DPYD: variants seen among roughly 807,000 people sequenced by gnomAD.
DPYD encodes dihydropyrimidine dehydrogenase.
DPYD carries 109 observed loss-of-function variants against 116.2 expected under a neutral mutation model. That is an observed-to-expected ratio of 0.94 (90% CI 0.80 to 1.10). The LOEUF (loss-of-function observed/expected upper bound fraction) is 1.10, where lower values mean the gene tolerates loss of function less well. DPYD is among the 50% of genes least tolerant of loss of function. DPYD has a pLI of 0.00. For missense variants in DPYD, 1,302 were observed against 1,254.5 expected (o/e 1.04, Z -0.57); for synonymous variants, 440 against 432.0 (o/e 1.02, Z -0.23).
intron 20 of DPYD, among the ~76,000 whole-genome samples, chr1:97,133,827 G>A (rs376542408): frequency 1.1e-4 from 17 of 150,452 alleles, no homozygotes; most frequent in African/African-American, 4.2e-4. Flanking sequence ...GTGAAATCCC[G>A]TCTCTACTAA....
chr1:97,346,950 T>C (rs1359460555), intron 16 of DPYD, among the ~76,000 whole-genome samples: 1 of 151,886 alleles, frequency 6.6e-6, no homozygotes, highest in African/African-American at 2.4e-5. Flanking sequence ...TTTATTATTA[T>C]TATTGAATGC....
chr1:97,344,595 CCACACA>C (rs35038074), intron 16 of DPYD, among the ~76,000 whole-genome samples: 2 of 148,876 alleles, frequency 1.3e-5, no homozygotes, highest in Admixed American at 6.7e-5. Flanking sequence ...ATATATGTCA[CCACACA>C]CACACACACA....
chr1:97,219,953 A>G (rs1358794769), intron 19 of DPYD, among the ~76,000 whole-genome samples: 3 of 151,982 alleles, frequency 2.0e-5, no homozygotes, highest in Admixed American at 6.6e-5. Flanking sequence ...GAAATAGGCC[A>G]TATTTGCTCA....
At chr1:97,796,332 T>C (rs1667568556) in intron 3 of DPYD, among the ~76,000 whole-genome samples, 1 of 152,098 alleles carries the variant, frequency 6.6e-6, no homozygotes, top group Non-Finnish European at 1.5e-5. Context: ...CCACTGCTTT[T>C]AATCACATTA....
chr1:97,483,507 G>A (rs1233451547), intron 13 of DPYD, among the ~76,000 whole-genome samples: 1 of 152,112 alleles, frequency 6.6e-6, no homozygotes, highest in East Asian at 1.9e-4. Context: ...TGTTGGGGCT[G>A]GTGGGGAGAA....
chr1:97,827,901 T>G (rs1669317527), intron 3 of DPYD, among the ~76,000 whole-genome samples: 1 of 152,140 alleles, frequency 6.6e-6, no homozygotes, highest in Non-Finnish European at 1.5e-5. Context: ...AGTAACAAAT[T>G]AAACATTTAC....
At chr1:97,148,002 A>T (rs1654753008) in intron 20 of DPYD, among the ~76,000 whole-genome samples, 1 of 152,144 alleles carries the variant, frequency 6.6e-6, no homozygotes, top group Non-Finnish European at 1.5e-5. Flanking sequence ...AAGGGAGATA[A>T]GTGCAAGGCA....
chr1:97,264,543 C>G (rs922774112), intron 18 of DPYD, among the ~76,000 whole-genome samples: 5 of 152,142 alleles, frequency 3.3e-5, no homozygotes, highest in African/African-American at 1.2e-4. Context: ...AATACCGTTT[C>G]CATTAATCAT....
chr1:97,183,097 T>TAA (rs201668962), intron 20 of DPYD, among the ~76,000 whole-genome samples: 25,747 of 152,004 alleles, frequency 0.17, 2,649 homozygotes, highest in Middle Eastern at 0.27. Context: ...GTCCAAGACA[T>TAA]TTTTCCTTTC....
At chr1:97,421,400 A>G (rs1674573776) in intron 14 of DPYD, among the ~76,000 whole-genome samples, 1 of 152,138 alleles carries the variant, frequency 6.6e-6, no homozygotes, top group African/African-American at 2.4e-5. Context: ...GCCTCACACT[A>G]AGACTCGTGA....
chr1:97,186,185 T>C (rs1406147695), intron 20 of DPYD, among the ~76,000 whole-genome samples: 1 of 152,180 alleles, frequency 6.6e-6, no homozygotes, highest in East Asian at 1.9e-4. Context: ...GACATCTACA[T>C]ATAATATTAC....
At chr1:97,178,636 G>A (rs1657451910) in intron 20 of DPYD, among the ~76,000 whole-genome samples, 1 of 152,006 alleles carries the variant, frequency 6.6e-6, no homozygotes, top group Non-Finnish European at 1.5e-5. Context: ...ATGAGATTTG[G>A]GTGGGGGCAC....
chr1:97,601,813 T>A (rs531854693), intron 8 of DPYD, among the ~76,000 whole-genome samples: 1 of 152,084 alleles, frequency 6.6e-6, no homozygotes, highest in African/African-American at 2.4e-5. Flanking sequence ...TAGTACTGAG[T>A]GTTCAGACAG....
rs541854688 is a variant in DPYD, at chr1:97,677,479, A to G, written c.850+1616T>C. Among the ~76,000 whole-genome samples, 212 of 152,302 alleles carry G rather than the reference A, an allele frequency of 1.4e-3. 2 individuals carry two copies. In the South Asian group the frequency reaches 0.016, roughly 12 times the overall value. On this transcript the variant is annotated intron_variant, in intron 8 of 22. Transcript: ENST00000370192. ...TTTATTGAGAGTAATTGGAACTTAC[A>G]GACACCTGCCCAATTTCTTTACATT...
chr1:97,547,706 G>T (rs1363176358), intron 12 of DPYD, among the ~76,000 whole-genome samples: 1 of 151,784 alleles, frequency 6.6e-6, no homozygotes, highest in Non-Finnish European at 1.5e-5. Context: ...TTAAAGATGA[G>T]GTCTCACTCT....
At chr1:97,227,328 T>A (rs1661239241) in intron 19 of DPYD, among the ~76,000 whole-genome samples, 1 of 42,256 alleles carries the variant, frequency 2.4e-5, no homozygotes. Context: ...TGAGACTCTA[T>A]CTCAAAAAAA....
intron 19 of DPYD, among the ~76,000 whole-genome samples, chr1:97,202,893 G>T (rs767433680): frequency 3.3e-5 from 5 of 152,190 alleles, no homozygotes; most frequent in Non-Finnish European, 7.3e-5. Context: ...GGTACAACAT[G>T]TAGGGCCAAA....
intron 13 of DPYD, among the ~76,000 whole-genome samples, chr1:97,453,136 C>A (rs1266556265): frequency 6.6e-6 from 1 of 152,056 alleles, no homozygotes; most frequent in Non-Finnish European, 1.5e-5. Flanking sequence ...TCTCACGCAG[C>A]CTACTGTGAT....
chr1:97,907,776 G>A (rs547449268), intron 1 of DPYD, among the ~76,000 whole-genome samples: 1 of 151,136 alleles, frequency 6.6e-6, no homozygotes, highest in East Asian at 2.0e-4. Flanking sequence ...CTCCTTTGCA[G>A]TTCACATCAA....
Sources: allele counts gnomAD v4.1 joint callset (sites outside exome capture counted in the v4.1 genomes callset), GRCh38; gene constraint gnomAD v4.1.1; transcripts MANE v1.5; gene names NCBI Gene and HGNC (gene_info 2026-07-23, HGNC 2026-07-21).